Variants in TMEM132B observed in about 807,000 individuals in gnomAD.
TMEM132B encodes the protein transmembrane protein 132B.
Under a neutral mutation model 90.8 loss-of-function variants are expected in TMEM132B, and 18 were observed. That is an observed-to-expected ratio of 0.20 (90% CI 0.14 to 0.29). The LOEUF is 0.29. Among genes scored for constraint, TMEM132B ranks in the 10% least tolerant of loss-of-function variants. The pLI is 1.00. For missense variants in TMEM132B, 1,096 were observed against 1,326.8 expected, an observed-to-expected ratio of 0.83 and a Z score of 2.70; for synonymous variants, 504 against 523.3, an observed-to-expected ratio of 0.96 and a Z score of 0.50.
At chr12:125,418,948 C>A (rs1880097401) in intron 3 of TMEM132B, among the ~76,000 whole-genome samples, 1 of 152,100 alleles carries the variant, frequency 6.6e-6, no homozygotes, top group African/African-American at 2.4e-5. Flanking sequence ...GAACCGAAAG[C>A]TAGATGATGG....
intron 1 of TMEM132B, among the ~76,000 whole-genome samples, chr12:125,231,891 C>CA (rs925681054): frequency 6.6e-6 from 1 of 151,846 alleles, no homozygotes; most frequent in Non-Finnish European, 1.5e-5. Context: ...GTGTCCCCCC[C>CA]CCACCAAAAC....
At position 125,213,208 on chromosome 12, in the gene TMEM132B, C is replaced by T. The variant is rs1019265077; in HGVS notation, c.67+26342C>T. On this transcript the variant is annotated intron_variant, in intron 1 of 8. Coordinates refer to ENST00000682704, the MANE Select transcript of TMEM132B (RefSeq NM_001366854.1). The surrounding 1 kb of genome is among the most constrained non-coding windows in gnomAD (Gnocchi z 4.2). ...TTGGGTCTGGCTTCTTTCACTTGCACAGTGGTTTTAAGGTTCATCCACGTT... is the reference window on the plus strand; with the variant it reads ...TTGGGTCTGGCTTCTTTCACTTGCATAGTGGTTTTAAGGTTCATCCACGTT... Among the ~76,000 whole-genome samples the T allele has an allele frequency of 3.3e-5, 5 of 152,218 alleles. No homozygotes were observed. The highest frequency in any genetic ancestry group is 2.6e-4 in the Admixed American group (4 of 15,284).
At chr12:125,529,744 G>A (rs945676992) in intron 4 of TMEM132B, among the ~76,000 whole-genome samples, 2 of 152,214 alleles carry the variant, frequency 1.3e-5, no homozygotes, top group Non-Finnish European at 2.9e-5. Context: ...AGCAGTCTAT[G>A]TCTTGTCTTT....
intron 2 of TMEM132B, among the ~76,000 whole-genome samples, chr12:125,388,236 T>C (rs918468299): frequency 4.6e-5 from 7 of 152,150 alleles, no homozygotes; most frequent in Non-Finnish European, 1.0e-4. Flanking sequence ...AAGACCAGCC[T>C]GACTGACATA....
At chr12:125,191,799 G>T (rs930986838) in intron 1 of TMEM132B, among the ~76,000 whole-genome samples, 1 of 150,756 alleles carries the variant, frequency 6.6e-6, no homozygotes, top group African/African-American at 2.4e-5. Context: ...GCCGAATTTT[G>T]GTCTCATGCA....
chr12:125,197,798 G>A (rs915309413), intron 1 of TMEM132B, among the ~76,000 whole-genome samples: 8 of 152,088 alleles, frequency 5.3e-5, no homozygotes, highest in South Asian at 2.1e-4. Flanking sequence ...CCAGCTCCTC[G>A]GTATGAGAAT....
chr12:125,649,413 C>G (rs1045913855), intron 6 of TMEM132B, among the ~76,000 whole-genome samples: 2 of 152,162 alleles, frequency 1.3e-5, no homozygotes, highest in Non-Finnish European at 2.9e-5. Flanking sequence ...GATGGGGCAG[C>G]TGGTCTGGCT....
At chr12:125,255,024 G>A (rs1874403495) in intron 1 of TMEM132B, among the ~76,000 whole-genome samples, 1 of 152,156 alleles carries the variant, frequency 6.6e-6, no homozygotes, top group Non-Finnish European at 1.5e-5. Context: ...GTGACGAGGA[G>A]GTTGACAGGA....
intron 4 of TMEM132B, among the ~76,000 whole-genome samples, chr12:125,560,831 C>CAAAAAA (rs58083131): frequency 0.01 from 294 of 29,250 alleles, 95 homozygotes; most frequent in African/African-American, 0.051. Flanking sequence ...GACTCTGTCT[C>CAAAAAA]AAAAAAAAAA....
intron 3 of TMEM132B, among the ~76,000 whole-genome samples, chr12:125,452,493 A>G (rs1467900119): frequency 6.6e-6 from 1 of 152,208 alleles, no homozygotes; most frequent in South Asian, 2.1e-4. Context: ...TTTTCTAGCT[A>G]TCAGGAAATG....
intron 1 of TMEM132B, among the ~76,000 whole-genome samples, chr12:125,270,709 G>A (rs1198351752): frequency 7.0e-6 from 1 of 142,870 alleles, no homozygotes; most frequent in Non-Finnish European, 1.5e-5. Context: ...TTGGTCAAGG[G>A]TTGCTCTCCA....
intron 3 of TMEM132B, among the ~76,000 whole-genome samples, chr12:125,453,172 G>C (rs1381630893): frequency 6.6e-6 from 1 of 151,432 alleles, no homozygotes. Flanking sequence ...TTCATTCCTT[G>C]TATTTGACTT....
intron 1 of TMEM132B, among the ~76,000 whole-genome samples, chr12:125,259,070 G>C (rs1468437034): frequency 6.6e-6 from 1 of 152,140 alleles, no homozygotes; most frequent in African/African-American, 2.4e-5. Context: ...GTTCCAAGAA[G>C]AGGGAAAAAA....
At chr12:125,624,590 G>C (rs1403496162) in intron 5 of TMEM132B, among the ~76,000 whole-genome samples, 1 of 152,146 alleles carries the variant, frequency 6.6e-6, no homozygotes, top group African/African-American at 2.4e-5. Flanking sequence ...AGCTCACTGT[G>C]ATAATTATTT....
At chr12:125,282,552 C>G (rs1416900588) in intron 1 of TMEM132B, among the ~76,000 whole-genome samples, 1 of 152,226 alleles carries the variant, frequency 6.6e-6, no homozygotes, top group Non-Finnish European at 1.5e-5. Context: ...ATGCCTATTG[C>G]TGACCTCTTA....
intron 4 of TMEM132B, among the ~76,000 whole-genome samples, chr12:125,525,834 C>T (rs575945506): frequency 3.9e-5 from 6 of 152,246 alleles, no homozygotes; most frequent in African/African-American, 1.2e-4. Context: ...AAGGTTGGAC[C>T]CCTCCACAGT....
chr12:125,302,383 C>G (rs1332076271), intron 1 of TMEM132B, among the ~76,000 whole-genome samples: 1 of 151,524 alleles, frequency 6.6e-6, no homozygotes, highest in African/African-American at 2.4e-5. Context: ...AAAAAGTGAG[C>G]CTGGCTGAGA....
chr12:125,415,053 C>T lies in TMEM132B; in HGVS notation c.960-478C>T, dbSNP rs1879970372. Among the ~76,000 whole-genome samples, 1 of 152,182 alleles carries T rather than the reference C, an allele frequency of 6.6e-6. No homozygotes were observed. The highest frequency in any genetic ancestry group is 2.1e-4 in the South Asian group (1 of 4,828). On this transcript the variant is annotated intron_variant, in intron 2 of 8. Coordinates refer to ENST00000682704, the MANE Select transcript of TMEM132B (RefSeq NM_001366854.1). The surrounding 1 kb of genome is among the most constrained non-coding windows in gnomAD (Gnocchi z 5.3). ...TCTTCAAACACCTGAGGACTGGGTG[C>T]TCCCGTCCATTCCTGCTCCCAGAGT...
At chr12:125,507,289 C>T (rs1445824530) in intron 3 of TMEM132B, among the ~76,000 whole-genome samples, 1 of 152,168 alleles carries the variant, frequency 6.6e-6, no homozygotes, top group African/African-American at 2.4e-5. Flanking sequence ...TACTATGGTA[C>T]TTTCCTAGGC....
Sources: gnomAD v4.1 joint callset for allele counts (sites outside exome capture counted in the v4.1 genomes callset) on GRCh38, gnomAD v4.1.1 for gene constraint, Gnocchi (gnomAD v3.1) non-coding constraint, MANE v1.5 for transcripts, NCBI Gene and HGNC (gene_info 2026-07-23, HGNC 2026-07-21) for gene names.